MB: variants seen among roughly 807,000 people sequenced by gnomAD.
The protein encoded by MB is myoglobin, also known as nitrite reductase MB.
A neutral mutation model predicts 14.5 loss-of-function variants in MB; 10 were observed. The observed-to-expected ratio is 0.69, with a 90% CI of 0.43 to 1.17. The LOEUF (loss-of-function observed/expected upper bound fraction) is 1.17. Among genes scored for constraint, MB ranks in the 50% most tolerant of loss-of-function variants. The pLI is 0.00. For missense variants in MB, 169 were observed against 192.7 expected (o/e 0.88, Z 0.73); for synonymous variants, 89 against 78.6 (o/e 1.13, Z -0.70).
chr22:35,613,040 C>T (rs958815284), intron 1 of MB, among the ~76,000 whole-genome samples: 1 of 152,216 alleles, frequency 6.6e-6, no homozygotes, highest in Non-Finnish European at 1.5e-5. Flanking sequence ...AGGACCTTAT[C>T]CAAATCCTCG....
Position 35,607,083 on chromosome 22 carries a change from C to T in MB, c.*214G>A, listed in dbSNP as rs967040670. 1.6e-5 allele frequency: 8 copies of T among 502,648 alleles called. No individual in the cohort carries two copies. Among genetic ancestry groups the T allele is most frequent in the East Asian group, 9.0e-5 (3 of 33,352 alleles). 31.1% of individuals were successfully genotyped at this position (502,648 alleles called of 1,614,324 possible). On this transcript the variant is annotated 3_prime_UTR_variant, in exon 3 of 3. Coordinates refer to ENST00000397326, the MANE Select transcript of MB (RefSeq NM_005368.3). ...AACACAGTGAGCCAAGGGCCACTCC[C>T]GGTTCCCAGGGTGATGACATCCCAC... is the stretch of plus-strand genomic sequence containing the variant.
At chr22:35,618,928 C>G (rs1241599922), upstream of MB, among the ~76,000 whole-genome samples, 2 of 151,020 alleles carry the variant, frequency 1.3e-5, no homozygotes, top group Admixed American at 1.3e-4. Flanking sequence ...ATCTGTTCCT[C>G]CATCCCTCCA....
upstream of MB, among the ~76,000 whole-genome samples, chr22:35,621,570 T>G (rs968193116): frequency 6.6e-6 from 1 of 152,124 alleles, no homozygotes; most frequent in African/African-American, 2.4e-5. Flanking sequence ...CCACTAAACA[T>G]AGTTTTCCCT....
At chr22:35,614,594 C>T (rs1429208684) in intron 1 of MB, among the ~76,000 whole-genome samples, 1 of 152,062 alleles carries the variant, frequency 6.6e-6, no homozygotes, top group Non-Finnish European at 1.5e-5. Context: ...CTTAACCTCT[C>T]TGTTAAATGT....
chr22:35,611,828 A>AGCTTT (rs1221215548), intron 1 of MB, among the ~76,000 whole-genome samples: 1,739 of 150,196 alleles, frequency 0.012, 209 homozygotes, highest in African/African-American at 0.037. Flanking sequence ...GCCCACCTCC[A>AGCTTT]ACTTTAGACC....
chr22:35,620,200 G>A (rs956149542), upstream of MB, among the ~76,000 whole-genome samples: 5 of 152,166 alleles, frequency 3.3e-5, no homozygotes, highest in Admixed American at 1.3e-4. Context: ...TGGGCATGGT[G>A]GCACGAACCT....
upstream of MB, among the ~76,000 whole-genome samples, chr22:35,618,956 T>C (rs1259167248): frequency 8.2e-5 from 10 of 122,052 alleles, no homozygotes; most frequent in South Asian, 2.8e-4. Context: ...ATCCACCCAT[T>C]CCCTCATTCA....
At chr22:35,612,241 T>C (rs888191337) in intron 1 of MB, among the ~76,000 whole-genome samples, 1 of 152,116 alleles carries the variant, frequency 6.6e-6, no homozygotes, top group African/African-American at 2.4e-5. Flanking sequence ...ACAGTATGTA[T>C]TGTGGCCACA....
chr22:35,607,226 C>A lies in MB; in HGVS notation c.*71G>T. 1.3e-6 allele frequency: 2 copies of A among 1,524,652 alleles called. No homozygotes were observed. Among genetic ancestry groups the A allele is most frequent in the South Asian group, 1.2e-5 (1 of 82,262 alleles). 94.4% of individuals were successfully genotyped at this position (1,524,652 alleles called of 1,614,324 possible). A position where few individuals can be genotyped will look rare whatever the true frequency, so the allele number is the denominator to read the frequency against. On this transcript the variant is annotated 3_prime_UTR_variant, in exon 3 of 3. Transcript: ENST00000397326. ...ACACTCAGAAGCAAACTCTATATGG[C>A]TACACGAGATCAGACCCCGCTCTCT...
intron 1 of MB, among the ~76,000 whole-genome samples, chr22:35,612,566 C>A (rs901024688): frequency 5.3e-5 from 8 of 152,152 alleles, no homozygotes; most frequent in Non-Finnish European, 7.4e-5. Context: ...TTGTGATCCG[C>A]CTGCCTCAGC....
At chr22:35,614,796 G>T (rs547061924) in intron 1 of MB, among the ~76,000 whole-genome samples, 1 of 152,122 alleles carries the variant, frequency 6.6e-6, no homozygotes, top group African/African-American at 2.4e-5. Flanking sequence ...CCTGCCTGTG[G>T]CTGCCATTAA....
At chr22:35,610,814 G>T in intron 2 of MB, 70 bp downstream of exon 2, 2 of 1,266,634 alleles carry the variant, frequency 1.6e-6, no homozygotes, top group South Asian at 2.6e-5. Context: ...GCTTGGACTC[G>T]AACCCAGATC....
chr22:35,611,346 T>G lies in MB; in HGVS notation c.96-240A>C, dbSNP rs181318586. Among the ~76,000 whole-genome samples, 11 of 152,204 alleles carry G rather than the reference T, an allele frequency of 7.2e-5. No individual in the cohort carries two copies. The East Asian group carries it at 2.1e-3, about 29-fold the overall frequency. ...AACAGGGTGTCTGGCACATAGTGAG[T>G]GTCATATAATTCCCATTTTACAGAT... On this transcript the variant is annotated intron_variant, in intron 1 of 2. Transcript: ENST00000397326.
chr22:35,608,412 C>G lies in MB; in HGVS notation c.319-969G>C, dbSNP rs1031696136. Among the ~76,000 whole-genome samples the G allele has an allele frequency of 6.6e-6, 1 of 152,194 alleles. No homozygotes were observed. Among genetic ancestry groups the G allele is most frequent in the Admixed American group, 6.5e-5 (1 of 15,280 alleles). ...CCAGAGCTGGGAACGGAGGCAGTGG[C>G]TGAACCAAGGCTGGGTTTCTCGTTT... On this transcript the variant is annotated intron_variant, in intron 2 of 2. Coordinates refer to ENST00000397326, the MANE Select transcript of MB (RefSeq NM_005368.3). The surrounding 1 kb of genome is among the most constrained non-coding windows in gnomAD (Gnocchi z 4.3).
chr22:35,612,221 G>A (rs1385712658), intron 1 of MB, among the ~76,000 whole-genome samples: 1 of 152,056 alleles, frequency 6.6e-6, no homozygotes. Context: ...TGACATCCTT[G>A]TAAAAGTACA....
At chr22:35,609,654 C>T (rs1442650438) in intron 2 of MB, among the ~76,000 whole-genome samples, 1 of 152,162 alleles carries the variant, frequency 6.6e-6, no homozygotes, top group East Asian at 1.9e-4. Context: ...CTACTTAAAC[C>T]CTCTGAGCTC....
intron 1 of MB, among the ~76,000 whole-genome samples, chr22:35,615,082 G>A (rs5755791): frequency 6.6e-6 from 1 of 151,998 alleles, no homozygotes; most frequent in South Asian, 2.1e-4. Context: ...GTTTGTGTAC[G>A]TGCAGTGAAG....
intron 1 of MB, among the ~76,000 whole-genome samples, chr22:35,622,804 C>T (rs1257041063): frequency 1.3e-5 from 2 of 152,082 alleles, no homozygotes; most frequent in East Asian, 1.9e-4. Flanking sequence ...AGACCAGCCC[C>T]GCCTCCACAG....
chr22:35,617,115 T>C (rs1471474350), intron 1 of MB, 48 bp downstream of exon 1: 1 of 1,442,676 alleles, frequency 6.9e-7, no homozygotes, highest in South Asian at 1.1e-5. Flanking sequence ...TGAACACCCT[T>C]GATCTTAGGG....
Sources: gnomAD v4.1 joint callset for allele counts (sites outside exome capture counted in the v4.1 genomes callset) on GRCh38, gnomAD v4.1.1 for gene constraint, Gnocchi (gnomAD v3.1) non-coding constraint, MANE v1.5 for transcripts, NCBI Gene and HGNC (gene_info 2026-07-23, HGNC 2026-07-21) for gene names.